The following SNX29 variants were observed in gnomAD, a reference collection of about 807,000 sequenced individuals.
SNX29 encodes the protein sorting nexin 29, also known as sorting nexin-29.
SNX29 carries 78 observed loss-of-function variants against 102.1 expected under a neutral mutation model. That is an observed-to-expected ratio of 0.76 (90% CI 0.64 to 0.92). SNX29 has a LOEUF of 0.92. Ranked by LOEUF, SNX29 falls within the 40% of genes least tolerant of loss-of-function variation. SNX29 has a pLI of 0.00. For synonymous variants in SNX29, 580 were observed against 414.5 expected (o/e 1.40, Z -4.85); for missense variants, 1,280 against 1,061.7 (o/e 1.21, Z -2.86).
intron 20 of SNX29, among the ~76,000 whole-genome samples, chr16:12,567,765 A>C (rs2079072476): frequency 6.6e-6 from 1 of 152,180 alleles, no homozygotes; most frequent in South Asian, 2.1e-4. Flanking sequence ...TGTCTCCAGA[A>C]AATACAATTT....
chr16:12,183,574 C>T (rs1390355218), intron 13 of SNX29, among the ~76,000 whole-genome samples: 1 of 152,186 alleles, frequency 6.6e-6, no homozygotes, highest in African/African-American at 2.4e-5. Flanking sequence ...TTTCCCTGAA[C>T]TCTTCTGCAC....
rs2051236324 is a variant in SNX29, at chr16:12,070,309, TA to T, written c.1319+1179del. Among the ~76,000 whole-genome samples, 3 of 145,922 alleles carry T rather than the reference TA, an allele frequency of 2.1e-5. No individual in the cohort carries two copies. In the South Asian group the frequency reaches 7.1e-4, roughly 35 times the overall value. On this transcript the variant is annotated intron_variant, in intron 10 of 20. Transcript: ENST00000566228. The stretch of plus-strand genomic sequence containing the variant: ...GTCATTTAGCATTAGCTATATCTCC[TA>T]ATGCTATCCCTCCCCCCTCCCCCCA...
chr16:12,560,699 C>G (rs1191637157), intron 20 of SNX29: 1 of 161,212 alleles, frequency 6.2e-6, no homozygotes, highest in Non-Finnish European at 1.4e-5. Context: ...TAGTCATCGA[C>G]TCTGGGCTCA....
chr16:12,124,603 CATT>C (rs1248238818), intron 11 of SNX29, among the ~76,000 whole-genome samples: 3 of 152,152 alleles, frequency 2.0e-5, no homozygotes, highest in African/African-American at 7.2e-5. Context: ...CATATTTAAA[CATT>C]ATTGTACCAG....
intron 14 of SNX29, among the ~76,000 whole-genome samples, chr16:12,212,854 C>T (rs1407015124): frequency 1.3e-5 from 2 of 152,186 alleles, no homozygotes; most frequent in African/African-American, 2.4e-5. Flanking sequence ...TGGCTCATGC[C>T]GGTAATCCCA....
chr16:12,468,597 A>G (rs1054479229), intron 18 of SNX29, among the ~76,000 whole-genome samples: 3 of 151,892 alleles, frequency 2.0e-5, no homozygotes, highest in East Asian at 3.8e-4. Context: ...CTGTGTTTCT[A>G]TGGGTGATTA....
Position 12,567,617 on chromosome 16 carries a change from T to C in SNX29, c.2319-889T>C, listed in dbSNP as rs151243382. ...ACCCCATCTCTACAAAAAATTACAC[T>C]CAGGTATGGTGGCTAGTACCTATAG... On this transcript the variant is annotated intron_variant, in intron 20 of 20. Transcript: ENST00000566228. Among the ~76,000 whole-genome samples, 97 of 151,962 alleles carry C rather than the reference T, an allele frequency of 6.4e-4. 1 individual carries two copies. Among genetic ancestry groups the C allele is most frequent in the African/African-American group, 2.2e-3 (92 of 41,434 alleles).
intron 13 of SNX29, among the ~76,000 whole-genome samples, chr16:12,154,095 T>G (rs2055424338): frequency 6.6e-6 from 1 of 152,318 alleles, no homozygotes; most frequent in South Asian, 2.1e-4. Flanking sequence ...ATTAGAAGTT[T>G]GGGTTTTCCC....
chr16:12,460,496 C>G (rs1158657690), intron 18 of SNX29, among the ~76,000 whole-genome samples: 1 of 152,092 alleles, frequency 6.6e-6, no homozygotes, highest in Non-Finnish European at 1.5e-5. Context: ...CTGGCCAGCT[C>G]CTCTTCATCC....
At chr16:12,433,545 C>A (rs765907424) in intron 18 of SNX29, among the ~76,000 whole-genome samples, 1 of 150,862 alleles carries the variant, frequency 6.6e-6, no homozygotes, top group Non-Finnish European at 1.5e-5. Context: ...GCAGAAGAAT[C>A]GCTTGAACCC....
intron 20 of SNX29, among the ~76,000 whole-genome samples, chr16:12,566,489 T>C (rs572506831): frequency 1.6e-4 from 25 of 152,286 alleles, no homozygotes; most frequent in Middle Eastern, 3.4e-3. Flanking sequence ...ATGATGATGG[T>C]GGTTGCAGGC....
intron 19 of SNX29, among the ~76,000 whole-genome samples, chr16:12,517,614 C>T (rs891646331): frequency 6.6e-6 from 1 of 152,190 alleles, no homozygotes; most frequent in Admixed American, 6.5e-5. Context: ...TATGGAGCCT[C>T]TTGGGATCTC....
At position 12,573,100 on chromosome 16, in the gene SNX29, A is replaced by T. The variant is rs1177283982; in HGVS notation, c.*4471A>T. On this transcript the variant is annotated 3_prime_UTR_variant, in exon 21 of 21. Coordinates refer to ENST00000566228, the MANE Select transcript of SNX29 (RefSeq NM_032167.5). ...TTCTGTGCCAAGAAAGTTCATCTTTATGTTTTTCTAATACACAATCTTGAT... is the reference window on the plus strand; with the variant it reads ...TTCTGTGCCAAGAAAGTTCATCTTTTTGTTTTTCTAATACACAATCTTGAT... 4.5e-6 allele frequency: 1 copy of T among 224,662 alleles called. No homozygotes were observed. The highest frequency in any genetic ancestry group is 5.8e-5 in the Admixed American group (1 of 17,306). The allele number at this position is 224,662 out of a possible 1,614,324, so 13.9% of individuals were successfully genotyped here. A position where few individuals can be genotyped will look rare whatever the true frequency, so the allele number is the denominator to read the frequency against.
At chr16:12,463,297 T>C (rs1049755360) in intron 18 of SNX29, among the ~76,000 whole-genome samples, 2 of 152,184 alleles carry the variant, frequency 1.3e-5, no homozygotes, top group South Asian at 2.1e-4. Context: ...ATCACCTCTG[T>C]ATTAGTCGGT....
intron 15 of SNX29, among the ~76,000 whole-genome samples, chr16:12,325,445 A>G (rs967189177): frequency 5.9e-5 from 9 of 152,222 alleles, no homozygotes; most frequent in Non-Finnish European, 1.3e-4. Context: ...GGAAAACCTA[A>G]TTAACAATAA....
At chr16:12,202,706 C>G (rs970701352) in intron 14 of SNX29, among the ~76,000 whole-genome samples, 5 of 152,256 alleles carry the variant, frequency 3.3e-5, no homozygotes, top group African/African-American at 9.6e-5. Context: ...CTCCTCCTCT[C>G]CTTTCACTTA....
intron 20 of SNX29, among the ~76,000 whole-genome samples, chr16:12,567,362 G>C (rs571366346): frequency 1.3e-5 from 2 of 152,160 alleles, no homozygotes. Context: ...TTTTTGCCTT[G>C]TTTTAAAACA....
At chr16:12,293,300 G>T (rs528485345) in intron 15 of SNX29, among the ~76,000 whole-genome samples, 18 of 152,272 alleles carry the variant, frequency 1.2e-4, no homozygotes, top group African/African-American at 4.3e-4. Flanking sequence ...AGGCGGTGGT[G>T]GATGCTGAGG....
At chr16:12,122,939 G>A (rs543291989) in intron 11 of SNX29, among the ~76,000 whole-genome samples, 17 of 152,096 alleles carry the variant, frequency 1.1e-4, no homozygotes, top group South Asian at 8.3e-4. Context: ...CAATTCTCCC[G>A]CCTCAGCCTC....
Sources: gnomAD v4.1 joint callset for allele counts (sites outside exome capture counted in the v4.1 genomes callset) on GRCh38, gnomAD v4.1.1 for gene constraint, MANE v1.5 for transcripts, NCBI Gene and HGNC (gene_info 2026-07-23, HGNC 2026-07-21) for gene names.